The following DNAH10 variants were observed in gnomAD, a reference collection of about 807,000 sequenced individuals.
DNAH10 encodes axonemal beta dynein heavy chain 10.
Under a neutral mutation model 506.6 loss-of-function variants are expected in DNAH10, and 348 were observed. The ratio of observed to expected loss-of-function variants is 0.69; its 90% CI spans 0.63 to 0.75. The LOEUF (loss-of-function observed/expected upper bound fraction) is 0.75, where lower values mean the gene tolerates loss of function less well. Among genes scored for constraint, DNAH10 ranks in the 30% least tolerant of loss-of-function variants. The pLI is 0.00. For missense variants in DNAH10, 5,179 were observed against 5,787.1 expected (o/e 0.89, Z 3.41); for synonymous variants, 2,059 against 2,198.6 (o/e 0.94, Z 1.78).
chr12:123,853,814 GCACACACGCACGCA>G lies in DNAH10; in HGVS notation c.6438+474_6438+487del, dbSNP rs536851440. Among the ~76,000 whole-genome samples, 155 of 151,738 alleles carry G rather than the reference GCACACACGCACGCA, an allele frequency of 1.0e-3. 1 individual carries two copies. The highest frequency in any genetic ancestry group is 3.4e-3 in the African/African-American group (141 of 41,310). Reference sequence around the variant, plus strand: ...CTAGTGACTGTACTCAATGTTGCACGCACACACGCACGCACACACACGCACACGCACGGACACAC... The same window carrying G: ...CTAGTGACTGTACTCAATGTTGCACGCACACACGCACACGCACGGACACAC... On this transcript the variant is annotated intron_variant, in intron 36 of 78. Coordinates refer to ENST00000673944, the MANE Select transcript of DNAH10 (RefSeq NM_001372106.1). The surrounding 1 kb of genome is among the most constrained non-coding windows in gnomAD (Gnocchi z 4.7).
Position 123,850,906 on chromosome 12 carries a change from T to A in DNAH10, c.6121T>A (p.Ser2041Thr). The part of the protein sequence containing the change: ...TTFQFEGQEI[S>T]LDSRMGIFIT... Reference sequence around the variant, plus strand: ...CCTCCAGTTTGAAGGGCAGGAGATTTCCCTGGACTCCCGCATGGGCATCTT... The same window carrying A: ...CCTCCAGTTTGAAGGGCAGGAGATTACCCTGGACTCCCGCATGGGCATCTT... Residue 2041 changes from serine to threonine, a missense_variant, in exon 35 of 79, where the codon TCC (serine) becomes ACC (threonine). This residue lies in a region of DNAH10 where 4,844 missense variants were observed against 5,430.5 expected (regional missense o/e 0.89). Transcript: ENST00000673944. The surrounding 1 kb of genome is among the most constrained non-coding windows in gnomAD (Gnocchi z 5.5). 1 of 1,612,900 alleles carries A rather than the reference T, an allele frequency of 6.2e-7. No homozygotes were observed. Among genetic ancestry groups the A allele is most frequent in the Non-Finnish European group, 8.5e-7 (1 of 1,179,266 alleles).
chr12:123,928,925 C>T lies in DNAH10; in HGVS notation c.12306+338C>T. 1.1e-5 allele frequency: 5 copies of T among 472,512 alleles called. No homozygotes were observed. In the South Asian group the frequency reaches 1.6e-4, roughly 15 times the overall value. The allele number at this position is 472,512 out of a possible 1,614,324, so 29.3% of individuals were successfully genotyped here. ...CAGGAGTTTCGCGTGGTTTACATGCCCCATTTAATTTATTCTCCGGGAAAT... is the reference window on the plus strand; with the variant it reads ...CAGGAGTTTCGCGTGGTTTACATGCTCCATTTAATTTATTCTCCGGGAAAT... On this transcript the variant is annotated intron_variant, in intron 70 of 78. Transcript: ENST00000673944. This position sits in a 1 kb window ranked among gnomAD's most constrained non-coding sequence, Gnocchi z 4.9.
At position 123,767,640 on chromosome 12, in the gene DNAH10, GGAA is replaced by G; in HGVS notation, c.255_257del (p.Glu86del). ...CTGTCCTGTCTGAAGAGGGAGAAGA[GGAA>G]GAAGAGACTTATTCTCAAAAAGTGG... is the stretch of plus-strand genomic sequence containing the variant. On this transcript the variant is annotated inframe_deletion, in exon 2 of 79. Coordinates refer to ENST00000673944, the MANE Select transcript of DNAH10 (RefSeq NM_001372106.1). The G allele has an allele frequency of 6.2e-7, 1 of 1,613,006 alleles. No individual in the cohort carries two copies. The highest frequency in any genetic ancestry group is 1.1e-5 in the South Asian group (1 of 90,752).
Position 123,836,384 on chromosome 12 carries a change from A to G in DNAH10, c.4902+856A>G, listed in dbSNP as rs190953518. Among the ~76,000 whole-genome samples, 279 of 152,378 alleles carry G rather than the reference A, an allele frequency of 1.8e-3. 1 individual carries two copies. The highest frequency in any genetic ancestry group is 6.9e-3 in the Admixed American group (105 of 15,302). Reference sequence around the variant, plus strand: ...TGTTTGAACAGAGTTCTTTGCTTTCATAAATAATGTACAGGTTCTTGCCTA... The same window carrying G: ...TGTTTGAACAGAGTTCTTTGCTTTCGTAAATAATGTACAGGTTCTTGCCTA... On this transcript the variant is annotated intron_variant, in intron 28 of 78. Transcript: ENST00000673944.
rs752757481 is a variant in DNAH10 at position 123,880,334 on chromosome 12, A to ATTATTTATTTATTTATTTATTTAT, written c.8634+555_8634+556insATTTATTTATTTATTTATTTATTT. Among the ~76,000 whole-genome samples, 18 of 152,040 alleles carry ATTATTTATTTATTTATTTATTTAT rather than the reference A, an allele frequency of 1.2e-4. 1 individual carries two copies. The highest frequency in any genetic ancestry group is 4.1e-4 in the African/African-American group (17 of 41,472). ...TTAAAATCCAGTGATCCTTTAAGACATTATTTATTTATTTATTTATTTTGA... is the reference window on the plus strand; with the variant it reads ...TTAAAATCCAGTGATCCTTTAAGACATTATTTATTTATTTATTTATTTATTTATTTATTTATTTATTTATTTTGA... On this transcript the variant is annotated intron_variant, in intron 50 of 78. Transcript: ENST00000673944.
At chr12:123,866,797 C>A (rs558467640) in intron 41 of DNAH10, among the ~76,000 whole-genome samples, 4 of 152,132 alleles carry the variant, frequency 2.6e-5, no homozygotes, top group Admixed American at 6.5e-5. Context: ...GATGACAGGC[C>A]AGAGTGTGTG....
intron 1 of DNAH10, among the ~76,000 whole-genome samples, chr12:123,765,973 T>C (rs1957029759): frequency 6.6e-6 from 1 of 152,100 alleles, no homozygotes; most frequent in African/African-American, 2.4e-5. Context: ...CACTTACCTA[T>C]CATCTATCTA....
At position 123,903,019 on chromosome 12, in the gene DNAH10, G is replaced by C. The variant is rs763216997; in HGVS notation, c.9721G>C (p.Glu3241Gln). 2 of 1,604,714 alleles carry C rather than the reference G, an allele frequency of 1.2e-6. No individual in the cohort carries two copies. Among genetic ancestry groups the C allele is most frequent in the Admixed American group, 3.4e-5 (2 of 58,618 alleles). Residue 3241 changes from glutamate (E) to glutamine (Q), a missense_variant, in exon 57 of 79, where the codon GAG becomes CAG. Around this residue, in one of 3 missense-constraint regions of DNAH10, gnomAD observed 4,844 missense variants for 5,430.5 expected, o/e 0.89. Coordinates refer to ENST00000673944, the MANE Select transcript of DNAH10 (RefSeq NM_001372106.1). The surrounding 1 kb of genome is among the most constrained non-coding windows in gnomAD (Gnocchi z 4.6). Reference protein sequence around the residue: ...QNKVIAMEKAEAETTLAEVMP... With the variant: ...QNKVIAMEKAQAETTLAEVMP... The stretch of plus-strand genomic sequence containing the variant: ...CAAAGTCATTGCCATGGAGAAGGCC[G>C]AGGCCGAGACGACCCTGGCAGAGGT...
In DNAH10 at chr12:123,928,115, T is replaced by C; in HGVS notation, c.12106-272T>C. ...ACAGGAGCGACTGTGTGGGAGGAGCTGGGACTTCCAGGGCCAGGGAGGCAG... is the reference window on the plus strand; with the variant it reads ...ACAGGAGCGACTGTGTGGGAGGAGCCGGGACTTCCAGGGCCAGGGAGGCAG... On this transcript the variant is annotated intron_variant, in intron 69 of 78. Coordinates refer to ENST00000673944, the MANE Select transcript of DNAH10 (RefSeq NM_001372106.1). The surrounding 1 kb of genome is among the most constrained non-coding windows in gnomAD (Gnocchi z 4.9). 1 of 558,770 alleles carries C rather than the reference T, an allele frequency of 1.8e-6. No individual in the cohort carries two copies. The allele number at this position is 558,770 out of a possible 1,614,324, so 34.6% of individuals were successfully genotyped here. A position where few individuals can be genotyped will look rare whatever the true frequency, so the allele number is the denominator to read the frequency against.
intron 21 of DNAH10, 73 bp from the exon 22 acceptor site, chr12:123,818,877 C>G: frequency 9.4e-7 from 1 of 1,068,114 alleles, no homozygotes; most frequent in Non-Finnish European, 1.4e-6. Flanking sequence ...TGGGAGGTAA[C>G]TTTGACCATC....
In DNAH10 at chr12:123,861,124, A is replaced by C; in HGVS notation, c.6862A>C (p.Asn2288His). The change falls in exon 39 of 79, where the codon AAC becomes CAC. Residue 2288 changes from asparagine to histidine, a missense_variant. Asn to His is a moderately conservative substitution (Grantham distance 68, BLOSUM62 1). Transcript: ENST00000673944. The part of the protein sequence containing the change: ...TRDWTDGVLS[N>H]IFREINKPTD... ...AGACTGGACAGATGGGGTGTTGTCA[A>C]ACATCTTCAGGGAAATCAACAAGCC... is the stretch of plus-strand genomic sequence containing the variant. The C allele has an allele frequency of 1.2e-6, 2 of 1,613,988 alleles. No individual in the cohort carries two copies. Among genetic ancestry groups the C allele is most frequent in the Non-Finnish European group, 1.7e-6 (2 of 1,179,884 alleles).
chr12:123,772,817 T>A lies in DNAH10; in HGVS notation c.397-17T>A, dbSNP rs754014365. 1 of 1,574,584 alleles carries A rather than the reference T, an allele frequency of 6.4e-7. No homozygotes were observed. On this transcript the variant is annotated splice_polypyrimidine_tract_variant and intron_variant, in intron 3 of 78. Transcript: ENST00000673944. The stretch of plus-strand genomic sequence containing the variant: ...ATGTATCACAAGAATGAATGGTTTT[T>A]GTTCCCCATGTTTCAGAGAACTGCG...
intron 46 of DNAH10, 23 bp from the exon 47 acceptor site, chr12:123,875,206 CTT>C: frequency 6.3e-7 from 1 of 1,588,280 alleles, no homozygotes; most frequent in Non-Finnish European, 8.6e-7. Context: ...CTACTGTTCT[CTT>C]TTCTTTTTTA....
At position 123,857,053 on chromosome 12, in the gene DNAH10, C is replaced by A; in HGVS notation, c.6439-3C>A. ...TTGGAAACATGTGTTTCATTTCCTG[C>A]AGGACGTGGTGCTGATGAGGGCCTT... On this transcript the variant is annotated splice_region_variant and splice_polypyrimidine_tract_variant and intron_variant, in intron 36 of 78. Coordinates refer to ENST00000673944, the MANE Select transcript of DNAH10 (RefSeq NM_001372106.1). 5.6e-6 allele frequency: 9 copies of A among 1,601,682 alleles called. No homozygotes were observed. Among genetic ancestry groups the A allele is most frequent in the Non-Finnish European group, 7.7e-6 (9 of 1,174,014 alleles).
At position 123,838,505 on chromosome 12, in the gene DNAH10, C is replaced by A; in HGVS notation, c.4952C>A (p.Ala1651Asp). The A allele has an allele frequency of 6.2e-7, 1 of 1,613,992 alleles. No individual in the cohort carries two copies. Residue 1651 changes from alanine (A) to aspartate (D), a missense_variant, in exon 29 of 79, where the codon GCC (alanine) becomes GAC (aspartate). Physicochemically the swap from Ala to Asp is moderately radical, Grantham distance 126. Transcript: ENST00000673944. ...CCCGTGATCAAGAGGTGCTGTGAAG[C>A]CCCAAACCGCCTCAGTGACCTACAG... The part of the protein sequence containing the change: ...KDPVIKRCCE[A>D]PNRLSDLQNV...
chr12:123,876,807 T>C (rs983390623), intron 47 of DNAH10, among the ~76,000 whole-genome samples: 5 of 151,530 alleles, frequency 3.3e-5, no homozygotes, highest in Non-Finnish European at 7.4e-5. Flanking sequence ...ACAAAAAATA[T>C]GAAACATTAG....
intron 18 of DNAH10, among the ~76,000 whole-genome samples, chr12:123,807,087 T>C (rs1487823688): frequency 6.6e-6 from 1 of 152,082 alleles, no homozygotes; most frequent in Admixed American, 6.6e-5. Context: ...TTTCTTTTGA[T>C]CCATTTATTA....
At chr12:123,770,790 A>C (rs1957222940) in intron 2 of DNAH10, among the ~76,000 whole-genome samples, 1 of 151,822 alleles carries the variant, frequency 6.6e-6, no homozygotes, top group Non-Finnish European at 1.5e-5. Context: ...TTCTCTAATC[A>C]CCGGCCTTGT....
rs1951283586 is a variant in DNAH10, at chr12:123,853,933, C to CGCACAG, written c.6438+586_6438+587insGGCACA. ...GTACACATACGCACACGCACGCACA[C>CGCACAG]GCACACGCACACACACACACATTTG... On this transcript the variant is annotated intron_variant, in intron 36 of 78. Transcript: ENST00000673944. The surrounding 1 kb of genome is among the most constrained non-coding windows in gnomAD (Gnocchi z 4.7). 6.6e-6 allele frequency among the ~76,000 whole-genome samples: 1 copy of CGCACAG among 151,368 alleles called. No individual in the cohort carries two copies.
Sources: allele counts gnomAD v4.1 joint callset (sites outside exome capture counted in the v4.1 genomes callset), GRCh38; gene constraint gnomAD v4.1.1; regional missense constraint gnomAD v4.1.1; non-coding constraint Gnocchi (gnomAD v3.1); transcripts MANE v1.5; gene names NCBI Gene and HGNC (gene_info 2026-07-23, HGNC 2026-07-21).